UTP4: variants seen among roughly 807,000 people sequenced by gnomAD.
UTP4 encodes the protein UTP4 small subunit processome component, also known as U3 small nucleolar RNA-associated protein 4 homolog.
UTP4 carries 45 observed loss-of-function variants against 82.4 expected under a neutral mutation model. The observed-to-expected ratio is 0.55, with a 90% CI of 0.43 to 0.70. The LOEUF (loss-of-function observed/expected upper bound fraction) is 0.70. Ranked by LOEUF, UTP4 falls within the 30% of genes least tolerant of loss-of-function variation. The pLI, the probability that UTP4 is intolerant of heterozygous loss-of-function variation, is 0.00. For missense variants in UTP4, 819 were observed against 858.3 expected (o/e 0.95, Z 0.57); for synonymous variants, 348 against 300.3 (o/e 1.16, Z -1.64).
At chr16:69,134,486 T>TGAATTGCCTTCAGGGAAGGCAATTCAGA (rs367641044) in intron 2 of UTP4, among the ~76,000 whole-genome samples, 74 of 72,388 alleles carry the variant, frequency 1.0e-3, no homozygotes, top group South Asian at 2.8e-3. Flanking sequence ...GAACCTTCAT[T>TGAATTGCCTTCAGGGAAGGCAATTCAGA]GAATTGCCTT....
chr16:69,165,588 A>G, intron 15 of UTP4, 62 bp downstream of exon 15: 1 of 1,372,470 alleles, frequency 7.3e-7, no homozygotes, highest in Non-Finnish European at 1.0e-6. Context: ...AAAAGCAACA[A>G]GTACAATAAG....
chr16:69,138,367 G>T lies in UTP4; in HGVS notation c.436+482G>T, dbSNP rs141119799. 7.1e-3 allele frequency among the ~76,000 whole-genome samples: 1,083 copies of T among 151,892 alleles called. 7 individuals are homozygous for T. The highest frequency in any genetic ancestry group is 0.012 in the Non-Finnish European group (819 of 67,950). On this transcript the variant is annotated intron_variant, in intron 4 of 16. Coordinates refer to ENST00000314423, the MANE Select transcript of UTP4 (RefSeq NM_032830.3). ...ATTCTGGTGCCTCAGCCTCCCAAGT[G>T]ACTGGGATTCCAGGCACGTGCCATC...
intron 3 of UTP4, 89 bp downstream of exon 3, chr16:69,136,976 A>G: frequency 2.7e-6 from 3 of 1,107,238 alleles, no homozygotes; most frequent in Non-Finnish European, 4.2e-6. Flanking sequence ...GAGTAACGAT[A>G]TATTATGGCA....
chr16:69,150,176 A>G (rs1043737364), intron 6 of UTP4, among the ~76,000 whole-genome samples: 1 of 152,224 alleles, frequency 6.6e-6, no homozygotes, highest in Non-Finnish European at 1.5e-5. Context: ...ATTAAATAAC[A>G]TGATATGAAT....
chr16:69,144,787 G>A (rs1963062404), intron 6 of UTP4, among the ~76,000 whole-genome samples: 1 of 151,998 alleles, frequency 6.6e-6, no homozygotes, highest in Non-Finnish European at 1.5e-5. Flanking sequence ...GAAATGAGTG[G>A]GATAAATTCC....
intron 3 of UTP4, 46 bp from the exon 4 acceptor site, chr16:69,137,755 A>AT: frequency 9.5e-7 from 1 of 1,054,928 alleles, no homozygotes; most frequent in Non-Finnish European, 1.5e-6. Context: ...GTCCTATAAA[A>AT]TGTTTACTAT....
At chr16:69,146,904 G>T (rs1285241188) in intron 6 of UTP4, among the ~76,000 whole-genome samples, 5 of 150,790 alleles carry the variant, frequency 3.3e-5, no homozygotes, top group Non-Finnish European at 5.9e-5. Flanking sequence ...TCGTGAGGCT[G>T]AGGCAGGAGA....
At chr16:69,139,977 C>G in intron 5 of UTP4, 63 bp downstream of exon 5, 1 of 1,209,250 alleles carries the variant, frequency 8.3e-7, no homozygotes. Context: ...TCTGAGTTTT[C>G]AAAAGCTTGA....
At chr16:69,137,944 C>A in intron 4 of UTP4, 59 bp downstream of exon 4, 1 of 1,015,858 alleles carries the variant, frequency 9.8e-7, no homozygotes, top group Non-Finnish European at 1.6e-6. Flanking sequence ...AGTTTCTGTG[C>A]CACTGGGGAT....
rs750069458 is a variant in UTP4, at chr16:69,136,802, A to G, written c.266A>G (p.Gln89Arg). Reference sequence around the variant, plus strand: ...GGCGAGATTATGGAGTATGATTTACAGGCGTTAAACATCAAGTATGCTATG... The same window carrying G: ...GGCGAGATTATGGAGTATGATTTACGGGCGTTAAACATCAAGTATGCTATG... ...LNGEIMEYDL[Q>R]ALNIKYAMDA... The change falls in exon 3 of 17, where the codon CAG becomes CGG. Residue 89 changes from glutamine to arginine, a missense_variant. Physicochemically the swap from Gln to Arg is conservative, Grantham distance 43 (BLOSUM62 1). Coordinates refer to ENST00000314423, the MANE Select transcript of UTP4 (RefSeq NM_032830.3). 1 of 1,614,192 alleles carries G rather than the reference A, an allele frequency of 6.2e-7. No individual in the cohort carries two copies. The highest frequency in any genetic ancestry group is 8.5e-7 in the Non-Finnish European group (1 of 1,180,022).
chr16:69,147,420 G>T (rs565868274), intron 6 of UTP4, among the ~76,000 whole-genome samples: 1 of 151,872 alleles, frequency 6.6e-6, no homozygotes, highest in African/African-American at 2.4e-5. Flanking sequence ...CAGGAGAATC[G>T]CTTGAACCAG....
intron 10 of UTP4, 95 bp from the exon 11 acceptor site, chr16:69,155,776 T>G: frequency 7.9e-7 from 1 of 1,259,456 alleles, no homozygotes; most frequent in Non-Finnish European, 1.2e-6. Flanking sequence ...TCTGTGGGTA[T>G]GTCCAGAGTG....
intron 6 of UTP4, among the ~76,000 whole-genome samples, chr16:69,149,244 G>T (rs1370582016): frequency 6.6e-6 from 1 of 152,118 alleles, no homozygotes; most frequent in Non-Finnish European, 1.5e-5. Flanking sequence ...ACCAGGCATG[G>T]TGGCGCACGC....
At position 69,133,387 on chromosome 16, in the gene UTP4, A is replaced by G; in HGVS notation, c.-2-71A>G. 4 of 1,459,442 alleles carry G rather than the reference A, an allele frequency of 2.7e-6. No individual in the cohort carries two copies. The South Asian group carries it at 4.6e-5, about 17-fold the overall frequency. 90.4% of individuals were successfully genotyped at this position (1,459,442 alleles called of 1,614,324 possible). A position where few individuals can be genotyped will look rare whatever the true frequency, so the allele number is the denominator to read the frequency against. ...CCTTCCAGCCAGAACAGTGATATTA[A>G]GGAACTGAATACTATATGTGACATA... On this transcript the variant is annotated intron_variant, in intron 1 of 16. Transcript: ENST00000314423.
At chr16:69,160,317 C>G in intron 12 of UTP4, 39 bp from the exon 13 acceptor site, 3 of 1,516,420 alleles carry the variant, frequency 2.0e-6, no homozygotes, top group African/African-American at 1.4e-5. Context: ...GCTGTGGACA[C>G]TGTGTGAATT....
At chr16:69,148,272 T>G (rs2152279645) in intron 6 of UTP4, among the ~76,000 whole-genome samples, 1 of 151,326 alleles carries the variant, frequency 6.6e-6, no homozygotes, top group African/African-American at 2.4e-5. Flanking sequence ...AATTTTTGTA[T>G]TTTTAATAGA....
rs374424138 is a variant in UTP4 at position 69,136,327 on chromosome 16, A to G, written c.160-369A>G. On this transcript the variant is annotated intron_variant, in intron 2 of 16. Coordinates refer to ENST00000314423, the MANE Select transcript of UTP4 (RefSeq NM_032830.3). Reference sequence around the variant, plus strand: ...ACTGCAGCCTCCGCCTCCCAGGCTCAAACAATCCTCCCCCGTCAGCCTCCG... The same window carrying G: ...ACTGCAGCCTCCGCCTCCCAGGCTCGAACAATCCTCCCCCGTCAGCCTCCG... Among the ~76,000 whole-genome samples, 6 of 152,298 alleles carry G rather than the reference A, an allele frequency of 3.9e-5. No individual in the cohort carries two copies. In the East Asian group the frequency reaches 7.7e-4, roughly 20 times the overall value.
chr16:69,135,810 G>T (rs1302822981), intron 2 of UTP4, among the ~76,000 whole-genome samples: 1 of 152,142 alleles, frequency 6.6e-6, no homozygotes, highest in Non-Finnish European at 1.5e-5. Context: ...CAGATCACCT[G>T]AGGTCGGGAA....
chr16:69,163,916 C>T (rs946729411), intron 14 of UTP4, among the ~76,000 whole-genome samples: 23 of 140,098 alleles, frequency 1.6e-4, no homozygotes, highest in Admixed American at 4.4e-4. Flanking sequence ...GACAGAGTCT[C>T]GCTCTGTCGC....
Sources: gnomAD v4.1 joint callset for allele counts (sites outside exome capture counted in the v4.1 genomes callset) on GRCh38, gnomAD v4.1.1 for gene constraint, MANE v1.5 for transcripts, NCBI Gene and HGNC (gene_info 2026-07-23, HGNC 2026-07-21) for gene names.